FSTL4: variants seen among roughly 807,000 people sequenced by gnomAD.
FSTL4 encodes follistatin like 4.
A neutral mutation model predicts 78.2 loss-of-function variants in FSTL4; 28 were observed. The ratio of observed to expected loss-of-function variants is 0.36; its 90% CI spans 0.27 to 0.49. The LOEUF (loss-of-function observed/expected upper bound fraction) is 0.49, where lower values mean the gene tolerates loss of function less well. FSTL4 is among the 20% of genes least tolerant of loss of function. FSTL4 has a pLI of 0.98. For synonymous variants in FSTL4, 422 were observed against 440.5 expected, an observed-to-expected ratio of 0.96 and a Z score of 0.53; for missense variants, 922 against 1,084.9, an observed-to-expected ratio of 0.85 and a Z score of 2.11.
the FSTL4 span, among the ~76,000 whole-genome samples, chr5:133,719,125 A>T: frequency 1.3e-5 from 2 of 152,186 alleles, no homozygotes; most frequent in African/African-American, 4.8e-5. Context: ...TACATTTACA[A>T]GTCAGAGTAG....
At chr5:133,357,834 TAGGGCCACAAAAC>T (rs1458243492) in intron 4 of FSTL4, among the ~76,000 whole-genome samples, 1 of 152,284 alleles carries the variant, frequency 6.6e-6, no homozygotes, top group East Asian at 1.9e-4. Context: ...AGAAGTGTGC[TAGGGCCACAAAAC>T]ACCTGGGGCC....
At chr5:133,273,462 C>T (rs943402823) in intron 6 of FSTL4, among the ~76,000 whole-genome samples, 2 of 152,190 alleles carry the variant, frequency 1.3e-5, no homozygotes, top group Non-Finnish European at 2.9e-5. Flanking sequence ...CCTGTGTGGC[C>T]TGTGGCTGTG....
chr5:133,599,509 GT>G (rs1260412382), intron 2 of FSTL4, among the ~76,000 whole-genome samples: 11 of 152,114 alleles, frequency 7.2e-5, no homozygotes, highest in Non-Finnish European at 1.6e-4. Flanking sequence ...CCTATCTCTG[GT>G]CTATAAGCAC....
chr5:133,375,311 T>TATATATATATATATATATATATAA (rs1298027325), intron 4 of FSTL4, among the ~76,000 whole-genome samples: 2 of 138,522 alleles, frequency 1.4e-5, no homozygotes, highest in Non-Finnish European at 3.2e-5. Context: ...TATATATATA[T>TATATATATATATATATATATATAA]AAAAGACTCT....
At chr5:133,241,137 C>A (rs1330065372) in intron 7 of FSTL4, among the ~76,000 whole-genome samples, 1 of 152,244 alleles carries the variant, frequency 6.6e-6, no homozygotes, top group African/African-American at 2.4e-5. Flanking sequence ...AACAGAGATT[C>A]CACGTTTAGA....
chr5:133,603,836 G>A (rs1207746506), intron 2 of FSTL4, 22 bp downstream of exon 2: 2 of 1,611,936 alleles, frequency 1.2e-6, no homozygotes, highest in South Asian at 1.1e-5. Flanking sequence ...GAAATGTTAT[G>A]TCCGCAGGGA....
chr5:133,708,892 T>G, the FSTL4 span, among the ~76,000 whole-genome samples: 5 of 152,144 alleles, frequency 3.3e-5, no homozygotes, highest in Non-Finnish European at 7.4e-5. Context: ...GTCTAACTCC[T>G]CCACCAGAAA....
At chr5:133,663,276 C>A in the FSTL4 span, among the ~76,000 whole-genome samples, 51,081 of 151,946 alleles carry the variant, frequency 0.34, 9,764 homozygotes, top group African/African-American at 0.52. Context: ...GAAGTACTGT[C>A]CCACGCACAG....
At chr5:133,739,120 T>C in the FSTL4 span, among the ~76,000 whole-genome samples, 1 of 151,732 alleles carries the variant, frequency 6.6e-6, no homozygotes, top group Admixed American at 6.6e-5. Context: ...GCACCTATGA[T>C]TTTTTTTACT....
At chr5:133,559,796 A>C (rs1759874498) in intron 3 of FSTL4, among the ~76,000 whole-genome samples, 1 of 152,188 alleles carries the variant, frequency 6.6e-6, no homozygotes, top group African/African-American at 2.4e-5. Flanking sequence ...GGGACCCACA[A>C]GTTGTTAGAA....
intron 6 of FSTL4, among the ~76,000 whole-genome samples, chr5:133,257,770 G>A (rs992855170): frequency 6.6e-6 from 1 of 152,148 alleles, no homozygotes; most frequent in African/African-American, 2.4e-5. Context: ...GCTGGTTCCT[G>A]TGTGTGGGGT....
the FSTL4 span, among the ~76,000 whole-genome samples, chr5:133,746,753 T>C: frequency 6.6e-6 from 1 of 151,870 alleles, no homozygotes; most frequent in South Asian, 2.1e-4. Flanking sequence ...AAAGAGAAAC[T>C]GGAAAGACAT....
the FSTL4 span, among the ~76,000 whole-genome samples, chr5:133,790,512 C>T: frequency 3.3e-5 from 5 of 152,174 alleles, no homozygotes; most frequent in Non-Finnish European, 7.3e-5. Flanking sequence ...GCCCCTCTTA[C>T]GGTTTTAACA....
the FSTL4 span, among the ~76,000 whole-genome samples, chr5:133,708,552 G>C: frequency 6.6e-6 from 1 of 152,250 alleles, no homozygotes; most frequent in East Asian, 1.9e-4. Flanking sequence ...TGCTCCATTA[G>C]AGCAGATACA....
intron 3 of FSTL4, among the ~76,000 whole-genome samples, chr5:133,480,338 A>G (rs992993168): frequency 1.2e-4 from 19 of 152,238 alleles, no homozygotes; most frequent in Non-Finnish European, 2.5e-4. Context: ...AGAATAAGCC[A>G]TATGTAAATA....
chr5:133,725,298 G>T, the FSTL4 span, among the ~76,000 whole-genome samples: 1 of 152,292 alleles, frequency 6.6e-6, no homozygotes, highest in East Asian at 1.9e-4. Context: ...CAGAAAAAAA[G>T]ATGAAACTAG....
chr5:133,377,522 G>T (rs1755465262), intron 4 of FSTL4, among the ~76,000 whole-genome samples: 1 of 152,034 alleles, frequency 6.6e-6, no homozygotes, highest in Non-Finnish European at 1.5e-5. Flanking sequence ...TTAAAACAAT[G>T]AACATTTTGG....
intron 3 of FSTL4, among the ~76,000 whole-genome samples, chr5:133,463,538 T>C (rs1431273267): frequency 1.3e-5 from 2 of 152,220 alleles, no homozygotes; most frequent in Non-Finnish European, 2.9e-5. Context: ...TGCTTTGTGT[T>C]TCTTCTCTGG....
intron 8 of FSTL4, among the ~76,000 whole-genome samples, chr5:133,231,437 T>A (rs566380821): frequency 8.5e-5 from 13 of 152,270 alleles, no homozygotes; most frequent in East Asian, 3.9e-4. Context: ...GCCAGCAATG[T>A]GGCAGAGACC....
Sources: allele counts gnomAD v4.1 joint callset (sites outside exome capture counted in the v4.1 genomes callset), GRCh38; gene constraint gnomAD v4.1.1; transcripts MANE v1.5; gene names NCBI Gene and HGNC (gene_info 2026-07-23, HGNC 2026-07-21).